LRRK1: variants seen among roughly 807,000 people sequenced by gnomAD.
The protein encoded by LRRK1 is leucine rich repeat kinase 1, also known as leucine-rich repeat serine/threonine-protein kinase 1.
In LRRK1, 113 loss-of-function variants were observed where a neutral mutation model predicts 209.1. The ratio of observed to expected loss-of-function variants is 0.54; its 90% CI spans 0.46 to 0.63. The LOEUF is 0.63. Among genes scored for constraint, LRRK1 ranks in the 30% least tolerant of loss-of-function variants. LRRK1 has a pLI of 0.00. For synonymous variants in LRRK1, 1,144 were observed against 1,099.7 expected, an observed-to-expected ratio of 1.04 and a Z score of -0.80; for missense variants, 2,284 against 2,632.2, an observed-to-expected ratio of 0.87 and a Z score of 2.89.
intron 3 of LRRK1, among the ~76,000 whole-genome samples, chr15:100,979,083 C>T (rs922296266): frequency 6.6e-6 from 1 of 152,130 alleles, no homozygotes; most frequent in Non-Finnish European, 1.5e-5. Context: ...AAAGTTGCTT[C>T]AGTTTCAATC....
Position 101,065,577 on chromosome 15 carries a change from C to T in LRRK1, c.5140C>T (p.Leu1714Phe). ...CTGGTACAGCAATGGGCCGGGCCTCCTTGTCATCGACTGTGCCTCCCTGGA... is the reference window on the plus strand; with the variant it reads ...CTGGTACAGCAATGGGCCGGGCCTCTTTGTCATCGACTGTGCCTCCCTGGA... ...EVWYSNGPGL[L>F]VIDCASLEIC... Residue 1714 changes from leucine (L) to phenylalanine (F), a missense_variant, in exon 32 of 34, where the codon CTT becomes TTT. Physicochemically the swap from Leu to Phe is conservative, Grantham distance 22 (BLOSUM62 0). Transcript: ENST00000388948. 1 of 1,614,206 alleles carries T rather than the reference C, an allele frequency of 6.2e-7. No homozygotes were observed. The highest frequency in any genetic ancestry group is 8.5e-7 in the Non-Finnish European group (1 of 1,180,024).
chr15:100,960,960 G>C (rs1409129043), intron 2 of LRRK1, among the ~76,000 whole-genome samples: 1 of 152,186 alleles, frequency 6.6e-6, no homozygotes, highest in East Asian at 1.9e-4. Context: ...ATGCATGTTA[G>C]GTGCTGAATA....
At chr15:100,983,202 CAG>C (rs1392631182) in intron 3 of LRRK1, among the ~76,000 whole-genome samples, 1 of 152,056 alleles carries the variant, frequency 6.6e-6, no homozygotes, top group African/African-American at 2.4e-5. Context: ...AAGGAGCAAA[CAG>C]AAACAAACAA....
intron 2 of LRRK1, among the ~76,000 whole-genome samples, chr15:100,944,504 G>A (rs72765025): frequency 0.14 from 21,061 of 152,116 alleles, 1,732 homozygotes; most frequent in South Asian, 0.25. Context: ...TTAACCTTTC[G>A]GAGGCTACAC....
Position 101,010,460 on chromosome 15 carries a change from A to G in LRRK1, c.1000A>G (p.Ile334Val), listed in dbSNP as rs2033176484. The G allele has an allele frequency of 5.0e-6, 8 of 1,611,086 alleles. No individual in the cohort carries two copies. Among genetic ancestry groups the G allele is most frequent in the Non-Finnish European group, 6.8e-6 (8 of 1,179,242 alleles). ...DEIICSRLLE[I>V]DISSNKLSHL... is the part of the protein sequence containing the mutation. The stretch of plus-strand genomic sequence containing the variant: ...TCTTCTCCATCGCAGGCTACTTGAA[A>G]TTGACATTTCCAGCAACAAGTTGTC... The change falls in exon 8 of 34, where the codon ATT becomes GTT. Residue 334 changes from isoleucine to valine, a missense_variant. Coordinates refer to ENST00000388948, the MANE Select transcript of LRRK1 (RefSeq NM_024652.6).
rs772351008 is a variant in LRRK1 at position 101,061,285 on chromosome 15, C to T, written c.4794C>T (p.Thr1598=). ...LQVQRSLWTA[T]EDQKIYIYTL... ...TCCAGAGATCCCTGTGGACAGCCAC[C>T]GAGGTAAGCACTGCCCGCAGGCCTG... Residue 1598 remains threonine, a synonymous_variant, in exon 30 of 34, where the codon ACC becomes ACT. Coordinates refer to ENST00000388948, the MANE Select transcript of LRRK1 (RefSeq NM_024652.6). 137 of 1,608,798 alleles carry T rather than the reference C, an allele frequency of 8.5e-5. No homozygotes were observed. Among genetic ancestry groups the T allele is most frequent in the Middle Eastern group, 3.4e-4 (2 of 5,958 alleles).
chr15:101,022,645 C>G lies in LRRK1; in HGVS notation c.2067+48C>G. On this transcript the variant is annotated intron_variant, in intron 15 of 33. Transcript: ENST00000388948. This position sits in a 1 kb window ranked among gnomAD's most constrained non-coding sequence, Gnocchi z 4.0. ...AGTCCCTGTGGGTGGGAGGAACATC[C>G]CTTGGACTCCTTCTCCCTTCTCCCC... 5 of 1,290,750 alleles carry G rather than the reference C, an allele frequency of 3.9e-6. No homozygotes were observed. Among genetic ancestry groups the G allele is most frequent in the Non-Finnish European group, 5.4e-6 (5 of 926,694 alleles). The allele number at this position is 1,290,750 out of a possible 1,614,324, so 80.0% of individuals were successfully genotyped here.
At chr15:101,045,506 C>T (rs1268085060) in intron 20 of LRRK1, among the ~76,000 whole-genome samples, 4 of 152,176 alleles carry the variant, frequency 2.6e-5, no homozygotes, top group Non-Finnish European at 5.9e-5. Context: ...GTCGTGTCAA[C>T]GGGCCAAGAA....
intron 6 of LRRK1, among the ~76,000 whole-genome samples, chr15:100,994,774 G>C (rs2032323698): frequency 1.3e-5 from 2 of 152,278 alleles, no homozygotes; most frequent in East Asian, 3.9e-4. Flanking sequence ...CTTGGAGTGG[G>C]TGTGCCTGGC....
Position 100,968,846 on chromosome 15 carries a change from G to GT in LRRK1, c.98-4951dup, listed in dbSNP as rs1395394930. 1.2e-3 allele frequency among the ~76,000 whole-genome samples: 116 copies of GT among 99,340 alleles called. 2 individuals carry two copies. Among genetic ancestry groups the GT allele is most frequent in the Non-Finnish European group, 2.0e-3 (104 of 52,110 alleles). The allele number at this position is 99,340 out of a possible 152,430, so 65.2% of individuals were successfully genotyped here. A position where few individuals can be genotyped will look rare whatever the true frequency, so the allele number is the denominator to read the frequency against. ...CTTTCCCTTCCCTTCCTTCTGTTTT[G>GT]TTTTTTTGAGACAGGGTCTTGTTCT... is the stretch of plus-strand genomic sequence containing the variant. On this transcript the variant is annotated intron_variant, in intron 2 of 33. Coordinates refer to ENST00000388948, the MANE Select transcript of LRRK1 (RefSeq NM_024652.6).
At chr15:101,055,588 C>T (rs895843802) in intron 27 of LRRK1, among the ~76,000 whole-genome samples, 2 of 152,190 alleles carry the variant, frequency 1.3e-5, no homozygotes, top group Admixed American at 6.5e-5. Context: ...TTGCAGGGCA[C>T]TCAGGAGGAG....
intron 3 of LRRK1, among the ~76,000 whole-genome samples, chr15:100,982,325 A>G (rs2031647940): frequency 6.6e-6 from 1 of 152,188 alleles, no homozygotes; most frequent in South Asian, 2.1e-4. Context: ...CAGAAACGCA[A>G]TCAAACACTT....
At chr15:101,026,493 A>T (rs1277958710) in intron 17 of LRRK1, among the ~76,000 whole-genome samples, 2 of 152,202 alleles carry the variant, frequency 1.3e-5, no homozygotes, top group Non-Finnish European at 2.9e-5. Context: ...GACCCTGGGG[A>T]GGGAGGGCCA....
chr15:101,051,769 G>A lies in LRRK1; in HGVS notation c.3498G>A (p.Pro1166=), dbSNP rs199698040. Residue 1166 remains proline (P), a synonymous_variant, in exon 24 of 34, where the codon CCG becomes CCA. Coordinates refer to ENST00000388948, the MANE Select transcript of LRRK1 (RefSeq NM_024652.6). ...TCATGGAGCAGTACGTGCCCTGCCC[G>A]GTCTGCGAGACAGCCTGGGCCCAGC... The part of the protein sequence containing the change: ...TPLMEQYVPC[P]VCETAWAQHT... 36 of 1,614,020 alleles carry A rather than the reference G, an allele frequency of 2.2e-5. No individual in the cohort carries two copies. Among genetic ancestry groups the A allele is most frequent in the Middle Eastern group, 1.6e-4 (1 of 6,062 alleles).
intron 29 of LRRK1, among the ~76,000 whole-genome samples, chr15:101,060,241 C>T (rs1323380138): frequency 1.3e-5 from 2 of 152,146 alleles, no homozygotes; most frequent in Admixed American, 6.6e-5. Flanking sequence ...AGAGGCAGGG[C>T]AGACGAGCAG....
rs988464508 is a variant in LRRK1, at chr15:101,070,956, T to G, written c.*2108T>G. On this transcript the variant is annotated 3_prime_UTR_variant, in exon 34 of 34. Coordinates refer to ENST00000388948, the MANE Select transcript of LRRK1 (RefSeq NM_024652.6). The stretch of plus-strand genomic sequence containing the variant: ...CTCACTTATCTTCATTACAGAGAGT[T>G]CGTAATGTCAATAAGAAACAGAAAA... 6.6e-6 allele frequency: 1 copy of G among 152,128 alleles called. No individual in the cohort carries two copies. The highest frequency in any genetic ancestry group is 2.4e-5 in the African/African-American group (1 of 41,408). 9.4% of individuals were successfully genotyped at this position (152,128 alleles called of 1,614,324 possible).
intron 31 of LRRK1, chr15:101,065,055 AGAG>A (rs533060478): frequency 1.1e-5 from 5 of 440,600 alleles, no homozygotes; most frequent in Non-Finnish European, 2.0e-5. Context: ...TGGCAGAAGC[AGAG>A]GCAGCCCATG....
intron 3 of LRRK1, among the ~76,000 whole-genome samples, chr15:100,974,967 T>G (rs576325549): frequency 3.2e-4 from 48 of 152,324 alleles, no homozygotes; most frequent in African/African-American, 1.1e-3. Context: ...TAATTGATAG[T>G]TAGAATTCAT....
rs2036468474 is a variant in LRRK1 at position 101,065,346 on chromosome 15, C to T, written c.4915-6C>T. ...GATGTGACACATCCCTGTCTCCTTCCTTCAGAATTCCTACCTGGTCTTAGC... is the reference window on the plus strand; with the variant it reads ...GATGTGACACATCCCTGTCTCCTTCTTTCAGAATTCCTACCTGGTCTTAGC... On this transcript the variant is annotated splice_region_variant and splice_polypyrimidine_tract_variant and intron_variant, in intron 31 of 33. Transcript: ENST00000388948. The T allele has an allele frequency of 1.9e-6, 3 of 1,610,858 alleles. No homozygotes were observed. The highest frequency in any genetic ancestry group is 3.3e-5 in the Admixed American group (2 of 59,972).
Sources: gnomAD v4.1 joint callset for allele counts (sites outside exome capture counted in the v4.1 genomes callset) on GRCh38, gnomAD v4.1.1 for gene constraint, Gnocchi (gnomAD v3.1) non-coding constraint, MANE v1.5 for transcripts, NCBI Gene and HGNC (gene_info 2026-07-23, HGNC 2026-07-21) for gene names.